Variants in ADGRE3 observed in about 807,000 individuals in gnomAD.
The protein encoded by ADGRE3 is adhesion G protein-coupled receptor E3.
In ADGRE3, 88 loss-of-function variants were observed where a neutral mutation model predicts 80.1. That is an observed-to-expected ratio of 1.10 (90% confidence interval 0.93 to 1.31). The LOEUF is 1.31. Ranked by LOEUF, ADGRE3 falls within the 40% of genes most tolerant of loss-of-function variation. The pLI, the probability that ADGRE3 is intolerant of heterozygous loss-of-function variation, is 0.00. For synonymous variants in ADGRE3, 281 were observed against 294.8 expected, an observed-to-expected ratio of 0.95 and a Z score of 0.48; for missense variants, 715 against 776.5, an observed-to-expected ratio of 0.92 and a Z score of 0.94.
chr19:14,663,916 C>T (rs1972022620), intron 2 of ADGRE3, among the ~76,000 whole-genome samples: 1 of 152,214 alleles, frequency 6.6e-6, no homozygotes, highest in Admixed American at 6.6e-5. Flanking sequence ...TTAGGTATTT[C>T]TCCTAATGCT....
At chr19:14,622,218 C>T (rs1427542455) in intron 15 of ADGRE3, 7 of 821,592 alleles carry the variant, frequency 8.5e-6, no homozygotes, top group African/African-American at 4.9e-5. Flanking sequence ...CAGATCTGTC[C>T]GTTGCTGGCT....
Position 14,633,231 on chromosome 19 carries a change from C to G in ADGRE3, c.1551+5G>C. On this transcript the variant is annotated splice_donor_5th_base_variant and intron_variant, in intron 12 of 15. Transcript: ENST00000253673. ...AGTTTGGGAACATCGAAGGCACATA[C>G]TCACAGAGAAAATGGCACAGACTGG... 1 of 1,611,654 alleles carries G rather than the reference C, an allele frequency of 6.2e-7. No individual in the cohort carries two copies. Among genetic ancestry groups the G allele is most frequent in the Non-Finnish European group, 8.5e-7 (1 of 1,178,262 alleles).
chr19:14,636,461 C>G (rs977376468), intron 11 of ADGRE3, among the ~76,000 whole-genome samples: 1 of 151,860 alleles, frequency 6.6e-6, no homozygotes, highest in Non-Finnish European at 1.5e-5. Context: ...CCCGCCTTGG[C>G]CTCCCAAAGC....
chr19:14,638,170 G>A lies in ADGRE3; in HGVS notation c.1419C>T (p.Gly473=), dbSNP rs778319481. ...MKWIMFPVGY[G]VPAVTVAISA... The stretch of plus-strand genomic sequence containing the variant: ...AAATGGCCACAGTCACAGCGGGAAC[G>A]CCATAGCCGACTGGGAACATGATCC... Residue 473 remains glycine (G), a synonymous_variant, in exon 11 of 16, where the codon GGC becomes GGT. Transcript: ENST00000253673. The A allele has an allele frequency of 2.2e-5, 36 of 1,613,968 alleles. No individual in the cohort carries two copies. The highest frequency in any genetic ancestry group is 3.3e-5 in the South Asian group (3 of 91,076).
chr19:14,621,345 C>T (rs2146793358), intron 15 of ADGRE3, among the ~76,000 whole-genome samples: 1 of 151,462 alleles, frequency 6.6e-6, no homozygotes, highest in East Asian at 2.0e-4. Flanking sequence ...ATCCCAGCTA[C>T]TGGGGAGGCT....
intron 9 of ADGRE3, 85 bp downstream of exon 9, chr19:14,644,023 T>G (rs966360121): frequency 4.4e-6 from 4 of 905,398 alleles, no homozygotes; most frequent in Non-Finnish European, 5.8e-6. Flanking sequence ...TTTTCAGTTT[T>G]TTTTTTTTTT....
intron 1 of ADGRE3, among the ~76,000 whole-genome samples, chr19:14,673,126 G>A (rs1473436319): frequency 6.6e-6 from 1 of 152,160 alleles, no homozygotes; most frequent in Non-Finnish European, 1.5e-5. Context: ...GCTATGCTAG[G>A]GGTTGCAAAG....
At chr19:14,660,461 C>T (rs1248628835) in intron 4 of ADGRE3, among the ~76,000 whole-genome samples, 5 of 151,978 alleles carry the variant, frequency 3.3e-5, no homozygotes, top group African/African-American at 4.8e-5. Context: ...AACCCCATCT[C>T]TACAAAAAAT....
chr19:14,656,216 G>T (rs754025648), intron 5 of ADGRE3, among the ~76,000 whole-genome samples: 1 of 151,632 alleles, frequency 6.6e-6, no homozygotes, highest in Non-Finnish European at 1.5e-5. Flanking sequence ...ATGGTGGCGC[G>T]TGCCTGTAAT....
chr19:14,635,672 CAAA>C, intron 11 of ADGRE3, among the ~76,000 whole-genome samples: 1 of 152,132 alleles, frequency 6.6e-6, no homozygotes. Flanking sequence ...CTCAGCCTCC[CAAA>C]GTGCTGGGAT....
chr19:14,611,129 T>C, the ADGRE3 span: 1 of 152,020 alleles, frequency 6.6e-6, no homozygotes, highest in African/African-American at 2.4e-5. Flanking sequence ...CCCCACATCA[T>C]TGCAAATTAC....
chr19:14,620,549 TATATATATATATATA>T (rs1568471507), intron 15 of ADGRE3, among the ~76,000 whole-genome samples: 1 of 2,556 alleles, frequency 3.9e-4, no homozygotes, highest in African/African-American at 1.7e-3. Context: ...ATATATATAT[TATATATATATATATA>T]TATATTTTTT....
chr19:14,638,413 T>G, intron 10 of ADGRE3, 73 bp from the exon 11 acceptor site: 1 of 1,146,116 alleles, frequency 8.7e-7, no homozygotes, highest in Non-Finnish European at 1.3e-6. Context: ...TCCTTGACAT[T>G]GGCTTTGGGT....
At position 14,654,986 on chromosome 19, in the gene ADGRE3, A is replaced by G; in HGVS notation, c.573T>C (p.Ser191=). 2 of 1,613,600 alleles carry G rather than the reference A, an allele frequency of 1.2e-6. No individual in the cohort carries two copies. Among genetic ancestry groups the G allele is most frequent in the Non-Finnish European group, 1.7e-6 (2 of 1,179,738 alleles). ...CAGTCCTCATTATTGTCTTACCTAC[A>G]CTATCGTTTTGGATTTTCAGGACTT... ...EQKVLKIQND[S]VAIETQAITD... Residue 191 remains serine, a synonymous_variant, in exon 6 of 16, where the codon AGT becomes AGC. Transcript: ENST00000253673.
In ADGRE3 at chr19:14,619,310, G is replaced by A; in HGVS notation, c.*123C>T. On this transcript the variant is annotated 3_prime_UTR_variant, in exon 16 of 16. Coordinates refer to ENST00000253673, the MANE Select transcript of ADGRE3 (RefSeq NM_032571.5). ...GAGAACAAACAGCTTGGGAAGTAAA[G>A]GTTGATTACTTCCTCTCCAAGGATG... The A allele has an allele frequency of 1.3e-6, 1 of 773,498 alleles. No homozygotes were observed. The highest frequency in any genetic ancestry group is 2.2e-6 in the Non-Finnish European group (1 of 450,350). 47.9% of individuals were successfully genotyped at this position (773,498 alleles called of 1,614,324 possible).
At chr19:14,605,396 A>G in the ADGRE3 span, among the ~76,000 whole-genome samples, 758 of 151,898 alleles carry the variant, frequency 5.0e-3, 11 homozygotes, top group African/African-American at 0.017. Flanking sequence ...GCGCCCGGCC[A>G]CCTCCCCACA....
the ADGRE3 span, among the ~76,000 whole-genome samples, chr19:14,603,949 T>G: frequency 6.6e-5 from 10 of 152,214 alleles, no homozygotes; most frequent in Admixed American, 3.9e-4. Flanking sequence ...AAGAGTCTTC[T>G]GGTTTTCTGG....
At chr19:14,602,371 C>G in the ADGRE3 span, among the ~76,000 whole-genome samples, 1 of 152,276 alleles carries the variant, frequency 6.6e-6, no homozygotes, top group East Asian at 1.9e-4. Context: ...CTCATGGCAG[C>G]CTTGGCCTCC....
intron 7 of ADGRE3, 118 bp downstream of exon 7, chr19:14,650,967 T>A: frequency 9.9e-7 from 1 of 1,014,474 alleles, no homozygotes; most frequent in Non-Finnish European, 1.4e-6. Flanking sequence ...AAATCTCCAA[T>A]ATCGTAGTTT....
Sources: gnomAD v4.1 joint callset for allele counts (sites outside exome capture counted in the v4.1 genomes callset) on GRCh38, gnomAD v4.1.1 for gene constraint, MANE v1.5 for transcripts, NCBI Gene and HGNC (gene_info 2026-07-23, HGNC 2026-07-21) for gene names.